The following LIPG variants were observed in gnomAD, a reference collection of about 807,000 sequenced individuals.
The protein encoded by LIPG is lipase G, endothelial type.
LIPG carries 34 observed loss-of-function variants against 51.8 expected under a neutral mutation model. The observed-to-expected ratio is 0.66, with a 90% CI of 0.50 to 0.87. The LOEUF is 0.87. LIPG is among the 40% of genes least tolerant of loss of function. The probability of loss-of-function intolerance (pLI) is 0.00; values close to 1 mark genes in which losing one functional copy is unlikely to be tolerated. For missense variants in LIPG, 580 were observed against 652.7 expected, an observed-to-expected ratio of 0.89 and a Z score of 1.21; for synonymous variants, 246 against 246.1, an observed-to-expected ratio of 1.00 and a Z score of 0.00.
Position 49,592,695 on chromosome 18 carries a change from A to G in LIPG, c.*2173A>G, listed in dbSNP as rs1484405287. The G allele has an allele frequency of 6.6e-6, 1 of 152,164 alleles. No homozygotes were observed. The highest frequency in any genetic ancestry group is 1.5e-5 in the Non-Finnish European group (1 of 68,062). The allele number at this position is 152,164 out of a possible 1,614,324, so 9.4% of individuals were successfully genotyped here. A position where few individuals can be genotyped will look rare whatever the true frequency, so the allele number is the denominator to read the frequency against. ...TGTTTTTACTAATGGAAGCTTTGCA[A>G]ATTGAATTCTCAGTGAGTTGTATAT... On this transcript the variant is annotated 3_prime_UTR_variant, in exon 10 of 10. Transcript: ENST00000261292.
intron 4 of LIPG, among the ~76,000 whole-genome samples, chr18:49,571,060 TC>T (rs1373029991): frequency 6.6e-6 from 1 of 152,216 alleles, no homozygotes. Context: ...ACTTGATTCA[TC>T]CCAGCTTGAG....
chr18:49,585,713 C>G (rs907906904), intron 8 of LIPG, among the ~76,000 whole-genome samples: 1 of 152,202 alleles, frequency 6.6e-6, no homozygotes, highest in African/African-American at 2.4e-5. Context: ...GTAGTATATG[C>G]ATTCTCCAGC....
chr18:49,586,934 C>T, intron 9 of LIPG, 84 bp downstream of exon 9: 1 of 1,000,882 alleles, frequency 1.0e-6, no homozygotes, highest in Non-Finnish European at 1.6e-6. Flanking sequence ...GATCTGGGTG[C>T]CAGGGACATA....
Position 49,583,543 on chromosome 18 carries a change from C to G in LIPG, c.1158-13C>G. 2 of 1,608,584 alleles carry G rather than the reference C, an allele frequency of 1.2e-6. No individual in the cohort carries two copies. Among genetic ancestry groups the G allele is most frequent in the Non-Finnish European group, 1.7e-6 (2 of 1,175,108 alleles). On this transcript the variant is annotated splice_polypyrimidine_tract_variant and intron_variant, in intron 7 of 9. Coordinates refer to ENST00000261292, the MANE Select transcript of LIPG (RefSeq NM_006033.4). ...TGTTAGGGGAGTGAGATCAGCTTCT[C>G]TCCCACTTGTAGAGTGGAGCGGATC...
At chr18:49,569,322 G>T in intron 3 of LIPG, 115 bp from the exon 4 acceptor site, 1 of 856,140 alleles carries the variant, frequency 1.2e-6, no homozygotes, top group Non-Finnish European at 2.0e-6. Context: ...GGGAGTCTCT[G>T]TGCCCACGGC....
intron 5 of LIPG, among the ~76,000 whole-genome samples, chr18:49,577,554 T>G (rs2148851516): frequency 6.8e-6 from 1 of 146,858 alleles, no homozygotes; most frequent in East Asian, 2.0e-4. Flanking sequence ...GACGGGGTGG[T>G]GGCCGGGCAG....
Position 49,590,823 on chromosome 18 carries a change from T to A in LIPG, c.*301T>A. 1 of 507,092 alleles carries A rather than the reference T, an allele frequency of 2.0e-6. No individual in the cohort carries two copies. Among genetic ancestry groups the A allele is most frequent in the South Asian group, 2.1e-5 (1 of 47,912 alleles). The allele number at this position is 507,092 out of a possible 1,614,324, so 31.4% of individuals were successfully genotyped here. On this transcript the variant is annotated 3_prime_UTR_variant, in exon 10 of 10. Coordinates refer to ENST00000261292, the MANE Select transcript of LIPG (RefSeq NM_006033.4). Reference sequence around the variant, plus strand: ...GGTGCCTGGGGCCTCTCGTGCACACTGGATTGGTTTCTCAGTTGCTGGGCG... The same window carrying A: ...GGTGCCTGGGGCCTCTCGTGCACACAGGATTGGTTTCTCAGTTGCTGGGCG...
chr18:49,567,043 A>G (rs2084612900), intron 2 of LIPG, among the ~76,000 whole-genome samples: 1 of 152,178 alleles, frequency 6.6e-6, no homozygotes, highest in Non-Finnish European at 1.5e-5. Flanking sequence ...AGATTCTAAA[A>G]TTGTCTGGGG....
At chr18:49,582,559 T>A (rs541799634) in intron 7 of LIPG, 77 bp downstream of exon 7, 1 of 1,583,836 alleles carries the variant, frequency 6.3e-7, no homozygotes, top group African/African-American at 1.3e-5. Flanking sequence ...CAAGGGAGCG[T>A]GTGAACGAGT....
chr18:49,575,636 T>C, intron 5 of LIPG, 46 bp downstream of exon 5: 1 of 1,503,732 alleles, frequency 6.7e-7, no homozygotes, highest in Admixed American at 1.7e-5. Flanking sequence ...GTTTATTCCA[T>C]CTCCTTCTAA....
At position 49,595,945 on chromosome 18, in the gene LIPG, A is replaced by T. The variant is rs918554237; in HGVS notation, c.*5423A>T. On this transcript the variant is annotated 3_prime_UTR_variant, in exon 10 of 10. Coordinates refer to ENST00000261292, the MANE Select transcript of LIPG (RefSeq NM_006033.4). ...GGAAAGGAATGGATGGATGATGAGA[A>T]AGTAGGCTCATTTGACAAAGAGAAA... The T allele has an allele frequency of 2.6e-5, 4 of 152,242 alleles. No individual in the cohort carries two copies. The highest frequency in any genetic ancestry group is 9.6e-5 in the African/African-American group (4 of 41,464). 9.4% of individuals were successfully genotyped at this position (152,242 alleles called of 1,614,324 possible).
intron 1 of LIPG, among the ~76,000 whole-genome samples, chr18:49,563,595 G>A (rs909165535): frequency 6.6e-6 from 1 of 151,780 alleles, no homozygotes; most frequent in Admixed American, 6.6e-5. Flanking sequence ...CAGTATTATG[G>A]AGAAAAATCA....
rs1481878333 is a variant in LIPG at position 49,597,556 on chromosome 18, G to A, written c.*7034G>A. 1 of 152,184 alleles carries A rather than the reference G, an allele frequency of 6.6e-6. No homozygotes were observed. Among genetic ancestry groups the A allele is most frequent in the Non-Finnish European group, 1.5e-5 (1 of 68,046 alleles). The allele number at this position is 152,184 out of a possible 1,614,324, so 9.4% of individuals were successfully genotyped here. ...GTGGTTATCCATACCATTTAACCTT[G>A]ACTTTCCTTAAATCATACCGGTGCG... is the stretch of plus-strand genomic sequence containing the variant. On this transcript the variant is annotated 3_prime_UTR_variant, in exon 10 of 10. Coordinates refer to ENST00000261292, the MANE Select transcript of LIPG (RefSeq NM_006033.4).
At chr18:49,576,544 T>C (rs2084721394) in intron 5 of LIPG, among the ~76,000 whole-genome samples, 1 of 139,088 alleles carries the variant, frequency 7.2e-6, no homozygotes, top group East Asian at 2.3e-4. Flanking sequence ...CTCAGCTCAC[T>C]ACAACTTCTG....
chr18:49,569,325 C>T, intron 3 of LIPG, 112 bp from the exon 4 acceptor site: 2 of 878,746 alleles, frequency 2.3e-6, no homozygotes, highest in Middle Eastern at 2.3e-4. Context: ...AGTCTCTGTG[C>T]CCACGGCCCC....
rs1447855936 is a variant in LIPG at position 49,577,686 on chromosome 18, A to G, written c.793+2096A>G. On this transcript the variant is annotated intron_variant, in intron 5 of 9. Transcript: ENST00000261292. ...TCCCTCCCGGACGGCACGGCTGGCC[A>G]GGCGGGGGGCTGACCCCCCAACCTC... Among the ~76,000 whole-genome samples, 160 of 80,608 alleles carry G rather than the reference A, an allele frequency of 2.0e-3. 1 individual carries two copies. The highest frequency in any genetic ancestry group is 0.016 in the Middle Eastern group (2 of 124). The allele number at this position is 80,608 out of a possible 152,430, so 52.9% of individuals were successfully genotyped here. A position where few individuals can be genotyped will look rare whatever the true frequency, so the allele number is the denominator to read the frequency against.
intron 2 of LIPG, among the ~76,000 whole-genome samples, 153 bp from the exon 3 acceptor site, chr18:49,567,289 T>C (rs1280369156): frequency 1.3e-5 from 2 of 151,730 alleles, no homozygotes; most frequent in South Asian, 4.2e-4. Flanking sequence ...TGAGCTGAGA[T>C]TGTTGTCAGT....
Position 49,590,637 on chromosome 18 carries a change from C to A in LIPG, c.*115C>A. Reference sequence around the variant, plus strand: ...TGGAAGGATTCTTCTCAGCCTTGACCCTGGAGCACTGGGAACAACTGGTCT... The same window carrying A: ...TGGAAGGATTCTTCTCAGCCTTGACACTGGAGCACTGGGAACAACTGGTCT... On this transcript the variant is annotated 3_prime_UTR_variant, in exon 10 of 10. Coordinates refer to ENST00000261292, the MANE Select transcript of LIPG (RefSeq NM_006033.4). The A allele has an allele frequency of 8.9e-7, 1 of 1,121,126 alleles. No individual in the cohort carries two copies. The highest frequency in any genetic ancestry group is 1.3e-6 in the Non-Finnish European group (1 of 758,386). 69.4% of individuals were successfully genotyped at this position (1,121,126 alleles called of 1,614,324 possible).
chr18:49,565,235 C>T, intron 1 of LIPG, 82 bp from the exon 2 acceptor site: 1 of 1,420,512 alleles, frequency 7.0e-7, no homozygotes, highest in South Asian at 1.2e-5. Flanking sequence ...GCAAATTGCT[C>T]ACGATTGAAC....
Sources: allele counts gnomAD v4.1 joint callset (sites outside exome capture counted in the v4.1 genomes callset), GRCh38; gene constraint gnomAD v4.1.1; transcripts MANE v1.5; gene names NCBI Gene and HGNC (gene_info 2026-07-23, HGNC 2026-07-21).